The following CALN1 variants were observed in gnomAD, a reference collection of about 807,000 sequenced individuals.
The protein encoded by CALN1 is calcium-binding protein 8.
Under a neutral mutation model 30.6 loss-of-function variants are expected in CALN1, and 17 were observed. That is an observed-to-expected ratio of 0.56 (90% confidence interval 0.38 to 0.83). The LOEUF (loss-of-function observed/expected upper bound fraction) is 0.83, where lower values mean the gene tolerates loss of function less well. Among genes scored for constraint, CALN1 ranks in the 40% least tolerant of loss-of-function variants. CALN1 has a pLI of 0.00. For synonymous variants in CALN1, 156 were observed against 131.4 expected (o/e 1.19, Z -1.28); for missense variants, 291 against 354.9 (o/e 0.82, Z 1.45).
intron 5 of CALN1, among the ~76,000 whole-genome samples, chr7:71,839,908 G>C (rs140016790): frequency 9.2e-5 from 14 of 152,088 alleles, no homozygotes; most frequent in Admixed American, 9.2e-4. Flanking sequence ...TGGGAAGGTG[G>C]ACCCCTCTCT....
intron 2 of CALN1, among the ~76,000 whole-genome samples, chr7:72,299,130 G>A (rs1484112078): frequency 6.6e-6 from 1 of 152,048 alleles, no homozygotes; most frequent in Non-Finnish European, 1.5e-5. Flanking sequence ...CACCAGACCA[G>A]ACAGCATATG....
chr7:72,305,129 T>A (rs1799563661), intron 2 of CALN1, among the ~76,000 whole-genome samples: 3 of 152,154 alleles, frequency 2.0e-5, no homozygotes, highest in Non-Finnish European at 4.4e-5. Context: ...GCTGGCTGTG[T>A]CAGCCAGGAC....
intron 2 of CALN1, among the ~76,000 whole-genome samples, chr7:72,389,104 T>C (rs939345358): frequency 6.6e-6 from 1 of 152,166 alleles, no homozygotes; most frequent in Non-Finnish European, 1.5e-5. Context: ...CTCTACTCAT[T>C]TAACTTGCAA....
intron 2 of CALN1, among the ~76,000 whole-genome samples, chr7:72,292,820 C>CCAAAAAAAAAA (rs1798584549): frequency 1.8e-5 from 2 of 112,860 alleles, no homozygotes; most frequent in African/African-American, 7.5e-5. Context: ...TACTCTGTCT[C>CCAAAAAAAAAA]AAAAAAAAAA....
At chr7:72,500,960 TAAGG>T in the CALN1 span, among the ~76,000 whole-genome samples, 1 of 152,144 alleles carries the variant, frequency 6.6e-6, no homozygotes, top group Non-Finnish European at 1.5e-5. Context: ...TTTATCATAA[TAAGG>T]AATTAGTTAA....
Position 71,993,425 on chromosome 7 carries a change from C to T in CALN1, c.501+30232G>A, listed in dbSNP as rs577004494. 7.3e-5 allele frequency among the ~76,000 whole-genome samples: 11 copies of T among 150,562 alleles called. 1 individual carries two copies. The highest frequency in any genetic ancestry group is 4.2e-4 in the South Asian group (2 of 4,756). ...AGGCTGCAGTGAGCTATGATTGCAC[C>T]GCTGCACCCCAGCCTGGGCAACAAT... On this transcript the variant is annotated intron_variant, in intron 5 of 6. Transcript: ENST00000395275.
At chr7:72,145,263 A>G (rs1786612958) in intron 3 of CALN1, among the ~76,000 whole-genome samples, 1 of 152,172 alleles carries the variant, frequency 6.6e-6, no homozygotes, top group Non-Finnish European at 1.5e-5. Context: ...AATCAAATAG[A>G]CACAATAAAA....
intron 3 of CALN1, among the ~76,000 whole-genome samples, chr7:72,274,091 C>T (rs969969761): frequency 6.6e-6 from 1 of 151,574 alleles, no homozygotes; most frequent in African/African-American, 2.4e-5. Context: ...CTGAAAACAA[C>T]CCAAATATCC....
chr7:71,934,179 G>A (rs1286990626), intron 5 of CALN1, among the ~76,000 whole-genome samples: 2 of 152,096 alleles, frequency 1.3e-5, no homozygotes, highest in Non-Finnish European at 2.9e-5. Flanking sequence ...TAGTTCTCCC[G>A]ACACCTCAAA....
intron 5 of CALN1, chr7:71,942,343 C>CA (rs1419806175): frequency 5.7e-6 from 1 of 174,856 alleles, no homozygotes; most frequent in Non-Finnish European, 1.3e-5. Flanking sequence ...ACACTGCACG[C>CA]AGGTGCGCGT....
At chr7:72,210,949 G>C (rs2129548214) in intron 3 of CALN1, among the ~76,000 whole-genome samples, 1 of 152,088 alleles carries the variant, frequency 6.6e-6, no homozygotes, top group South Asian at 2.1e-4. Flanking sequence ...CAGCTACTTG[G>C]GAGGCTGAGG....
intron 5 of CALN1, among the ~76,000 whole-genome samples, chr7:71,902,291 G>A (rs1793902064): frequency 6.6e-6 from 1 of 151,066 alleles, no homozygotes; most frequent in Non-Finnish European, 1.5e-5. Flanking sequence ...ACATATAAAT[G>A]GCCAAAACTC....
At chr7:71,931,639 C>A (rs563497557) in intron 5 of CALN1, among the ~76,000 whole-genome samples, 19 of 152,162 alleles carry the variant, frequency 1.2e-4, no homozygotes, top group Non-Finnish European at 2.6e-4. Context: ...TGTAATTTCA[C>A]GACATGGTAG....
chr7:72,271,575 A>AAAAAATATATATATATATATATAT lies in CALN1; in HGVS notation c.244+7110_244+7111insATATATATATATATATATATTTTT. 2.5e-3 allele frequency among the ~76,000 whole-genome samples: 128 copies of AAAAAATATATATATATATATATAT among 52,082 alleles called. 2 individuals are homozygous for AAAAAATATATATATATATATATAT. Among genetic ancestry groups the AAAAAATATATATATATATATATAT allele is most frequent in the Non-Finnish European group, 2.9e-3 (93 of 32,344 alleles). 34.2% of individuals were successfully genotyped at this position (52,082 alleles called of 152,430 possible). A position where few individuals can be genotyped will look rare whatever the true frequency, so the allele number is the denominator to read the frequency against. Reference sequence around the variant, plus strand: ...CTGTGCCTGCCTTTTAAAAAAAAAAAATATATATATATATATATAGTTTTC... The same window carrying AAAAAATATATATATATATATATAT: ...CTGTGCCTGCCTTTTAAAAAAAAAAAAAAAATATATATATATATATATATATATATATATATATATATAGTTTTC... On this transcript the variant is annotated intron_variant, in intron 3 of 6. Coordinates refer to ENST00000395275, the MANE Select transcript of CALN1 (RefSeq NM_031468.4).
intron 3 of CALN1, among the ~76,000 whole-genome samples, chr7:72,192,760 G>A (rs1237797352): frequency 1.3e-5 from 2 of 149,926 alleles, no homozygotes; most frequent in South Asian, 2.1e-4. Context: ...CCACTAACTC[G>A]TCATCTAGCA....
chr7:71,803,516 C>T (rs111743002), intron 6 of CALN1, among the ~76,000 whole-genome samples: 56 of 152,176 alleles, frequency 3.7e-4, no homozygotes, highest in African/African-American at 1.3e-3. Context: ...GCTCTGTTGC[C>T]CAGGCTGGAG....
At position 71,812,929 on chromosome 7, in the gene CALN1, CATTATTATT is replaced by C. The variant is rs71092917; in HGVS notation, c.502-2446_502-2438del. Among the ~76,000 whole-genome samples the C allele has an allele frequency of 4.0e-3, 540 of 136,502 alleles. 2 individuals carry two copies. Among genetic ancestry groups the C allele is most frequent in the Middle Eastern group, 7.6e-3 (2 of 264 alleles). The allele number at this position is 136,502 out of a possible 152,430, so 89.6% of individuals were successfully genotyped here. The stretch of plus-strand genomic sequence containing the variant: ...CAGCTATTTTATTTATCATCATCAT[CATTATTATT>C]ATTATTATTATTATTATTATTATTA... On this transcript the variant is annotated intron_variant, in intron 5 of 6. Transcript: ENST00000395275.
At chr7:72,421,717 G>A (rs1807618157) in intron 1 of CALN1, among the ~76,000 whole-genome samples, 1 of 151,094 alleles carries the variant, frequency 6.6e-6, no homozygotes, top group South Asian at 2.1e-4. Context: ...CTCCCAAGTA[G>A]CTGGGACTAC....
At chr7:71,896,029 A>T (rs1399089862) in intron 5 of CALN1, among the ~76,000 whole-genome samples, 1 of 152,230 alleles carries the variant, frequency 6.6e-6, no homozygotes, top group Non-Finnish European at 1.5e-5. Context: ...TCCCTAAAAT[A>T]GGAGTGGGCT....
Sources: gnomAD v4.1 joint callset for allele counts (sites outside exome capture counted in the v4.1 genomes callset) on GRCh38, gnomAD v4.1.1 for gene constraint, MANE v1.5 for transcripts, NCBI Gene and HGNC (gene_info 2026-07-23, HGNC 2026-07-21) for gene names.